LSAMP: variants seen among roughly 807,000 people sequenced by gnomAD.
LSAMP encodes limbic system associated membrane protein.
LSAMP carries 7 observed loss-of-function variants against 38.6 expected under a neutral mutation model. The observed-to-expected ratio is 0.18, with a 90% confidence interval of 0.10 to 0.34. LSAMP has a LOEUF of 0.34. LSAMP is among the 10% of genes least tolerant of loss of function. The probability of loss-of-function intolerance (pLI) is 1.00; values close to 1 mark genes in which losing one functional copy is unlikely to be tolerated. For synonymous variants in LSAMP, 154 were observed against 166.8 expected, an observed-to-expected ratio of 0.92 and a Z score of 0.59; for missense variants, 313 against 420.0, an observed-to-expected ratio of 0.75 and a Z score of 2.23.
chr3:116,115,070 T>A (rs1032593611), intron 1 of LSAMP, among the ~76,000 whole-genome samples: 1 of 152,244 alleles, frequency 6.6e-6, no homozygotes, highest in South Asian at 2.1e-4. Flanking sequence ...ACACTTAAAA[T>A]GGAATTTTTA....
intron 1 of LSAMP, among the ~76,000 whole-genome samples, chr3:116,180,524 G>C (rs550372411): frequency 2.3e-4 from 35 of 152,166 alleles, no homozygotes; most frequent in African/African-American, 6.3e-4. Flanking sequence ...GATTTGAAAC[G>C]ACTATTGGCT....
At chr3:116,421,261 C>T (rs1343573482) in intron 1 of LSAMP, among the ~76,000 whole-genome samples, 3 of 152,106 alleles carry the variant, frequency 2.0e-5, no homozygotes, top group Non-Finnish European at 4.4e-5. Context: ...AAAAGACTTA[C>T]ATGCAGAATT....
chr3:115,818,822 A>ATATATATATATATATATATATATATAT (rs55828725), intron 6 of LSAMP, among the ~76,000 whole-genome samples: 233 of 125,070 alleles, frequency 1.9e-3, no homozygotes, highest in Non-Finnish European at 2.6e-3. Context: ...ATATATATAT[A>ATATATATATATATATATATATATATAT]ACTGCAGCAA....
intron 1 of LSAMP, among the ~76,000 whole-genome samples, chr3:116,280,180 C>T (rs1416104737): frequency 6.6e-6 from 1 of 152,148 alleles, no homozygotes; most frequent in African/African-American, 2.4e-5. Flanking sequence ...TAAATCAATA[C>T]ATAACAACTT....
intron 1 of LSAMP, among the ~76,000 whole-genome samples, chr3:116,220,028 AGCCAGTGTGGTGGCACAT>A (rs1286868804): frequency 6.6e-6 from 1 of 152,134 alleles, no homozygotes; most frequent in African/African-American, 2.4e-5. Context: ...TACAAAAATT[AGCCAGTGTGGTGGCACAT>A]GCCAGTAGTC....
At chr3:115,912,069 C>T (rs1233644999) in intron 3 of LSAMP, among the ~76,000 whole-genome samples, 3 of 152,152 alleles carry the variant, frequency 2.0e-5, no homozygotes, top group Non-Finnish European at 4.4e-5. Flanking sequence ...GCTATCACTC[C>T]TTTGCCTGAT....
chr3:116,400,869 T>C (rs1165138708), intron 1 of LSAMP, among the ~76,000 whole-genome samples: 2 of 152,192 alleles, frequency 1.3e-5, no homozygotes, highest in Non-Finnish European at 2.9e-5. Flanking sequence ...TGTTTGGTTG[T>C]ACTGCTATTT....
At chr3:116,416,773 C>G (rs553993426) in intron 1 of LSAMP, among the ~76,000 whole-genome samples, 1 of 151,862 alleles carries the variant, frequency 6.6e-6, no homozygotes, top group Non-Finnish European at 1.5e-5. Context: ...GTTAAAGGCA[C>G]GTGCAGCATA....
intron 1 of LSAMP, among the ~76,000 whole-genome samples, chr3:116,274,159 TTCTC>T (rs748530372): frequency 6.6e-6 from 1 of 152,182 alleles, no homozygotes; most frequent in East Asian, 1.9e-4. Context: ...GCCTTTGAAC[TTCTC>T]TCTGAGTTTC....
chr3:116,108,628 G>A (rs1056581929), intron 1 of LSAMP, among the ~76,000 whole-genome samples: 1 of 152,142 alleles, frequency 6.6e-6, no homozygotes, highest in African/African-American at 2.4e-5. Context: ...GAGAGCCTTG[G>A]GCCAGAGTTC....
intron 6 of LSAMP, among the ~76,000 whole-genome samples, chr3:115,811,507 G>A (rs764365006): frequency 1.3e-5 from 2 of 152,134 alleles, no homozygotes; most frequent in Non-Finnish European, 2.9e-5. Context: ...TGGTGTGACT[G>A]TAATTGTCAG....
At chr3:116,118,970 A>G (rs925587326) in intron 1 of LSAMP, among the ~76,000 whole-genome samples, 3 of 152,206 alleles carry the variant, frequency 2.0e-5, no homozygotes, top group Non-Finnish European at 4.4e-5. Flanking sequence ...GCAGATTCCA[A>G]TTCAGTAAGT....
At chr3:116,420,871 G>C (rs545307225) in intron 1 of LSAMP, among the ~76,000 whole-genome samples, 1 of 152,194 alleles carries the variant, frequency 6.6e-6, no homozygotes, top group South Asian at 2.1e-4. Flanking sequence ...AGAGAGACTT[G>C]TGTCTTAAAA....
intron 2 of LSAMP, among the ~76,000 whole-genome samples, chr3:116,040,873 A>C (rs1193082584): frequency 6.6e-6 from 1 of 152,166 alleles, no homozygotes; most frequent in Non-Finnish European, 1.5e-5. Flanking sequence ...CTAGAACTAC[A>C]GATACATGCC....
At chr3:116,261,486 G>C (rs1478957324) in intron 1 of LSAMP, among the ~76,000 whole-genome samples, 1 of 152,160 alleles carries the variant, frequency 6.6e-6, no homozygotes, top group Non-Finnish European at 1.5e-5. Context: ...GCTGTCATCT[G>C]ATGCTCTCTT....
In LSAMP at chr3:116,326,018, G is replaced by T. The variant is rs566054315; in HGVS notation, c.155+118859C>A. Among the ~76,000 whole-genome samples the T allele has an allele frequency of 3.4e-4, 51 of 152,216 alleles. 1 individual carries two copies. Among genetic ancestry groups the T allele is most frequent in the Admixed American group, 3.3e-3 (50 of 15,276 alleles). On this transcript the variant is annotated intron_variant, in intron 1 of 6. Transcript: ENST00000490035. Reference sequence around the variant, plus strand: ...GATGATCAAAAGCTGAATAATTGAGGAGTGGGGGATTTTATTCTACCCATA... The same window carrying T: ...GATGATCAAAAGCTGAATAATTGAGTAGTGGGGGATTTTATTCTACCCATA...
chr3:116,289,670 C>T (rs2047238408), intron 1 of LSAMP, among the ~76,000 whole-genome samples: 1 of 151,992 alleles, frequency 6.6e-6, no homozygotes. Flanking sequence ...TGGTAAGATC[C>T]TATAAGTGAA....
chr3:116,116,532 T>TAA (rs386397689), intron 1 of LSAMP, among the ~76,000 whole-genome samples: 18,189 of 110,434 alleles, frequency 0.16, 1,571 homozygotes, highest in Non-Finnish European at 0.23. Context: ...CCATCTCTAC[T>TAA]AAAAAAAAAA....
intron 3 of LSAMP, among the ~76,000 whole-genome samples, chr3:116,014,810 C>T (rs1257271046): frequency 6.6e-6 from 1 of 152,156 alleles, no homozygotes; most frequent in African/African-American, 2.4e-5. Flanking sequence ...TATAATGCAA[C>T]TTAAATAAAT....
Sources: allele counts gnomAD v4.1 joint callset (sites outside exome capture counted in the v4.1 genomes callset), GRCh38; gene constraint gnomAD v4.1.1; transcripts MANE v1.5; gene names NCBI Gene and HGNC (gene_info 2026-07-23, HGNC 2026-07-21).